KDM4C: variants seen among roughly 807,000 people sequenced by gnomAD.
KDM4C encodes lysine demethylase 4C.
KDM4C carries 81 observed loss-of-function variants against 129.3 expected under a neutral mutation model. The ratio of observed to expected loss-of-function variants is 0.63; its 90% CI spans 0.52 to 0.75. The LOEUF is 0.75. Ranked by LOEUF, KDM4C falls within the 30% of genes least tolerant of loss-of-function variation. The pLI is 0.00. For missense variants in KDM4C, 1,457 were observed against 1,304.0 expected, an observed-to-expected ratio of 1.12 and a Z score of -1.81; for synonymous variants, 573 against 456.1, an observed-to-expected ratio of 1.26 and a Z score of -3.26.
chr9:6,971,674 A>G (rs1377071934), intron 8 of KDM4C, among the ~76,000 whole-genome samples: 4 of 152,220 alleles, frequency 2.6e-5, no homozygotes, highest in African/African-American at 9.6e-5. Flanking sequence ...GGGCAAAGAA[A>G]GCTCCTTAAT....
chr9:7,137,559 C>A (rs549853183), intron 19 of KDM4C, among the ~76,000 whole-genome samples: 1 of 152,182 alleles, frequency 6.6e-6, no homozygotes, highest in Non-Finnish European at 1.5e-5. Context: ...AATCTAGATA[C>A]CATGACTAAG....
upstream of KDM4C, chr9:6,757,769 A>G (rs1818486148): frequency 2.0e-6 from 2 of 985,562 alleles, no homozygotes; most frequent in African/African-American, 3.5e-5. Context: ...CTACGCGAGT[A>G]TCTTTCCCCT....
chr9:6,924,566 C>A (rs1822130509), intron 8 of KDM4C, among the ~76,000 whole-genome samples: 1 of 152,146 alleles, frequency 6.6e-6, no homozygotes, highest in Non-Finnish European at 1.5e-5. Context: ...GTTAGCTGGC[C>A]TGGGGCACCA....
chr9:6,805,751 C>T lies in KDM4C; in HGVS notation c.297C>T (p.Phe99=). ...IQKKAMTVKE[F]RQLANSGKYC... ...AAAAAGCGATGACTGTGAAGGAGTT[C>T]AGGCAGCTGGCCAACAGTGGCAAGT... is the stretch of plus-strand genomic sequence containing the variant. The change falls in exon 3 of 22, where the codon TTC becomes TTT. Residue 99 remains phenylalanine (F), a synonymous_variant. Coordinates refer to ENST00000381309, the MANE Select transcript of KDM4C (RefSeq NM_015061.6). 6.2e-7 allele frequency: 1 copy of T among 1,612,640 alleles called. No homozygotes were observed. The highest frequency in any genetic ancestry group is 1.1e-5 in the South Asian group (1 of 90,498).
rs558014348 is a variant in KDM4C at position 6,758,320 on chromosome 9, C to G, written c.-18+117C>G. On this transcript the variant is annotated intron_variant, in intron 1 of 21. Transcript: ENST00000381309. This position sits in a 1 kb window ranked among gnomAD's most constrained non-coding sequence, Gnocchi z 4.6. ...GTGCGGGCGTCCGGGCGAGCGGCGACGCTGGGGCAGAGACGCTCCGTCCGT... is the reference window on the plus strand; with the variant it reads ...GTGCGGGCGTCCGGGCGAGCGGCGAGGCTGGGGCAGAGACGCTCCGTCCGT... 186 of 550,568 alleles carry G rather than the reference C, an allele frequency of 3.4e-4. No individual in the cohort carries two copies. The African/African-American group carries it at 3.6e-3, about 11-fold the overall frequency. 34.1% of individuals were successfully genotyped at this position (550,568 alleles called of 1,614,324 possible).
At chr9:7,015,657 A>G (rs1047991811) in intron 14 of KDM4C, among the ~76,000 whole-genome samples, 196 bp from the exon 15 acceptor site, 2 of 152,206 alleles carry the variant, frequency 1.3e-5, no homozygotes, top group African/African-American at 2.4e-5. Flanking sequence ...AAGATGTTCC[A>G]TAAGTATTCA....
intron 8 of KDM4C, chr9:6,925,490 C>G (rs1822320820): frequency 6.4e-6 from 5 of 786,978 alleles, no homozygotes; most frequent in Non-Finnish European, 7.6e-6. Context: ...AGGACATATT[C>G]TCACCATCTT....
chr9:6,753,977 C>T (rs1818159580), upstream of KDM4C, among the ~76,000 whole-genome samples: 1 of 147,062 alleles, frequency 6.8e-6, no homozygotes, highest in Non-Finnish European at 1.5e-5. Flanking sequence ...CGGGTTCATG[C>T]CATTCTCCTG....
chr9:7,044,474 A>T (rs6477140), intron 15 of KDM4C, among the ~76,000 whole-genome samples: 4 of 151,560 alleles, frequency 2.6e-5, no homozygotes, highest in Non-Finnish European at 5.9e-5. Context: ...GGATACTGGG[A>T]CTATCAGCGA....
At chr9:7,128,614 C>G (rs73403351) in intron 19 of KDM4C, among the ~76,000 whole-genome samples, 1 of 152,174 alleles carries the variant, frequency 6.6e-6, no homozygotes, top group Non-Finnish European at 1.5e-5. Flanking sequence ...TTATGACTTT[C>G]TTTTCTTTAT....
intron 8 of KDM4C, among the ~76,000 whole-genome samples, chr9:6,951,813 T>A (rs957906050): frequency 2.0e-4 from 30 of 152,248 alleles, no homozygotes; most frequent in Non-Finnish European, 5.9e-5. Flanking sequence ...CTTCACTTAG[T>A]ACTTTGTATG....
chr9:7,022,637 C>CTTTCT (rs1554703014), intron 15 of KDM4C, among the ~76,000 whole-genome samples: 3,589 of 133,964 alleles, frequency 0.027, 167 homozygotes, highest in African/African-American at 0.091. Context: ...CCCTTTATTT[C>CTTTCT]TTTTTTTTTT....
intron 4 of KDM4C, among the ~76,000 whole-genome samples, chr9:6,830,903 G>A (rs1834702400): frequency 6.6e-6 from 1 of 152,202 alleles, no homozygotes; most frequent in Admixed American, 6.5e-5. Context: ...CAACAACTGG[G>A]AGAAACTGAA....
intron 8 of KDM4C, among the ~76,000 whole-genome samples, chr9:6,933,436 A>G (rs1824128439): frequency 6.6e-6 from 1 of 152,232 alleles, no homozygotes; most frequent in African/African-American, 2.4e-5. Context: ...GCATTAGGAA[A>G]GCAGTGGCTT....
chr9:6,889,207 C>CTTTTTT (rs1408790692), intron 7 of KDM4C, among the ~76,000 whole-genome samples: 4 of 83,620 alleles, frequency 4.8e-5, no homozygotes, highest in African/African-American at 2.1e-4. Context: ...CTGTGGCCTT[C>CTTTTTT]TTTTTGTGTG....
chr9:7,174,898 C>T lies in KDM4C; in HGVS notation c.*169C>T. The T allele has an allele frequency of 1.8e-6, 1 of 548,996 alleles. No individual in the cohort carries two copies. The highest frequency in any genetic ancestry group is 2.7e-5 in the East Asian group (1 of 36,682). 34.0% of individuals were successfully genotyped at this position (548,996 alleles called of 1,614,324 possible). A position where few individuals can be genotyped will look rare whatever the true frequency, so the allele number is the denominator to read the frequency against. ...TGGTCACCAAAAATACAAAATACACCCAATGAATTGGACGCAGCAATCTGA... is the reference window on the plus strand; with the variant it reads ...TGGTCACCAAAAATACAAAATACACTCAATGAATTGGACGCAGCAATCTGA... On this transcript the variant is annotated 3_prime_UTR_variant, in exon 22 of 22. Coordinates refer to ENST00000381309, the MANE Select transcript of KDM4C (RefSeq NM_015061.6).
chr9:6,924,374 C>T (rs932486959), intron 8 of KDM4C, among the ~76,000 whole-genome samples: 1 of 152,144 alleles, frequency 6.6e-6, no homozygotes, highest in African/African-American at 2.4e-5. Flanking sequence ...CACCACAGGC[C>T]CCCTTTCCCT....
chr9:6,812,004 T>G (rs143687893), intron 3 of KDM4C, among the ~76,000 whole-genome samples: 1 of 152,212 alleles, frequency 6.6e-6, no homozygotes, highest in Non-Finnish European at 1.5e-5. Context: ...AGAATTAATA[T>G]TTGTTTAATA....
At chr9:6,929,471 C>CTTTTTTTTTTTTT (rs59537472) in intron 8 of KDM4C, among the ~76,000 whole-genome samples, 1 of 127,528 alleles carries the variant, frequency 7.8e-6, no homozygotes. Context: ...TTGACTTTTT[C>CTTTTTTTTTTTTT]TTTTTTTTTT....
Sources: allele counts gnomAD v4.1 joint callset (sites outside exome capture counted in the v4.1 genomes callset), GRCh38; gene constraint gnomAD v4.1.1; non-coding constraint Gnocchi (gnomAD v3.1); transcripts MANE v1.5; gene names NCBI Gene and HGNC (gene_info 2026-07-23, HGNC 2026-07-21).